Variants in MED12L observed in about 807,000 individuals in gnomAD.
MED12L encodes the protein mediator of RNA polymerase II transcription subunit 12-like protein.
MED12L carries 60 observed loss-of-function variants against 281.3 expected under a neutral mutation model. That is an observed-to-expected ratio of 0.21 (90% confidence interval 0.17 to 0.26). The LOEUF (loss-of-function observed/expected upper bound fraction) is 0.26. MED12L is among the 10% of genes least tolerant of loss of function. The pLI, the probability that MED12L is intolerant of heterozygous loss-of-function variation, is 1.00. For synonymous variants in MED12L, 974 were observed against 987.2 expected, an observed-to-expected ratio of 0.99 and a Z score of 0.25; for missense variants, 2,146 against 2,680.9, an observed-to-expected ratio of 0.80 and a Z score of 4.41.
intron 16 of MED12L, among the ~76,000 whole-genome samples, chr3:151,256,533 A>G (rs1415463121): frequency 1.3e-5 from 2 of 152,198 alleles, no homozygotes; most frequent in African/African-American, 2.4e-5. Flanking sequence ...TGTCAACCAC[A>G]GAAATTAGGG....
chr3:151,254,826 T>C (rs1026571743), intron 16 of MED12L, among the ~76,000 whole-genome samples: 2 of 152,244 alleles, frequency 1.3e-5, no homozygotes. Flanking sequence ...CTTTTGCTTT[T>C]GGCAGGTTGC....
At chr3:151,388,272 T>G in intron 37 of MED12L, 100 bp downstream of exon 37, 1 of 1,425,558 alleles carries the variant, frequency 7.0e-7, no homozygotes, top group East Asian at 2.3e-5. Flanking sequence ...AAGAGCAGGA[T>G]AAGTTTTGTT....
chr3:151,359,056 A>C (rs1754294827), intron 20 of MED12L, among the ~76,000 whole-genome samples: 1 of 152,136 alleles, frequency 6.6e-6, no homozygotes, highest in African/African-American at 2.4e-5. Context: ...CTCAGTAGGT[A>C]GTTTTGCAGA....
chr3:151,308,722 G>A (rs1056211432), intron 16 of MED12L, among the ~76,000 whole-genome samples: 25 of 152,082 alleles, frequency 1.6e-4, no homozygotes, highest in African/African-American at 3.1e-4. Context: ...TGGTGGTGGC[G>A]TCACCTTGAT....
At chr3:151,179,164 A>C (rs1341697108) in intron 11 of MED12L, among the ~76,000 whole-genome samples, 1 of 151,878 alleles carries the variant, frequency 6.6e-6, no homozygotes, top group Non-Finnish European at 1.5e-5. Context: ...ACATGGTGAA[A>C]CCCCATCTCT....
chr3:151,214,340 C>A, intron 16 of MED12L: 1 of 1,600,864 alleles, frequency 6.2e-7, no homozygotes, highest in Non-Finnish European at 8.5e-7. Context: ...AAGGCAGAGG[C>A]CTGAAAAGAG....
intron 16 of MED12L, chr3:151,295,373 C>T (rs1744949166): frequency 3.4e-6 from 2 of 588,412 alleles, no homozygotes; most frequent in African/African-American, 3.7e-5. Flanking sequence ...TTTTGAGTGG[C>T]CAAAGAATTA....
intron 39 of MED12L, among the ~76,000 whole-genome samples, chr3:151,399,048 GA>G (rs11451641): frequency 6.6e-6 from 1 of 151,598 alleles, no homozygotes; most frequent in Non-Finnish European, 1.5e-5. Context: ...GGCGACTACT[GA>G]AAAAAAAGAA....
chr3:151,429,457 G>T (rs1214510817), intron 43 of MED12L, among the ~76,000 whole-genome samples: 5 of 152,204 alleles, frequency 3.3e-5, no homozygotes, highest in Non-Finnish European at 7.3e-5. Flanking sequence ...GGAGAGAAGA[G>T]GGTTGGAGGA....
chr3:151,217,619 A>G (rs1328402641), intron 16 of MED12L, among the ~76,000 whole-genome samples: 5 of 152,174 alleles, frequency 3.3e-5, no homozygotes. Context: ...GGTTTTAGAC[A>G]TGCTGGTTGG....
rs559973218 is a variant in MED12L, at chr3:151,179,531, A to G, written c.1495-5799A>G. Reference sequence around the variant, plus strand: ...CCTCTCACAGCTCCAAATGCAGACTATAACAATAAAGCTGAGAGGATGGGG... The same window carrying G: ...CCTCTCACAGCTCCAAATGCAGACTGTAACAATAAAGCTGAGAGGATGGGG... On this transcript the variant is annotated intron_variant, in intron 11 of 44. Coordinates refer to ENST00000687756, the MANE Select transcript of MED12L (RefSeq NM_001393769.1). 4.6e-5 allele frequency among the ~76,000 whole-genome samples: 7 copies of G among 152,322 alleles called. No individual in the cohort carries two copies. In the South Asian group the frequency reaches 6.2e-4, roughly 14 times the overall value.
intron 16 of MED12L, among the ~76,000 whole-genome samples, chr3:151,200,416 G>T (rs1725378680): frequency 6.6e-6 from 1 of 152,124 alleles, no homozygotes; most frequent in Admixed American, 6.5e-5. Context: ...GATTATTTTT[G>T]TATTTTAGCA....
chr3:151,411,474 C>T lies in MED12L; in HGVS notation c.6107C>T (p.Ser2036Leu), dbSNP rs753657179. 323 of 1,614,178 alleles carry T rather than the reference C, an allele frequency of 2.0e-4. 2 individuals carry two copies. The South Asian group carries it at 2.6e-3, about 13-fold the overall frequency. Residue 2036 changes from serine (S) to leucine (L), a missense_variant, in exon 41 of 45, where the codon TCG (serine) becomes TTG (leucine). Ser to Leu is a moderately radical substitution (Grantham distance 145). This residue lies in a region of MED12L where 496 missense variants were observed against 512.0 expected (regional missense o/e 0.97). Transcript: ENST00000687756. ...QPSGYVQQQA[S>L]PYLQPLTGSQ... ...AGTGGCTATGTTCAGCAGCAGGCCT[C>T]GCCGTACCTGCAGCCCCTGACTGGC...
At chr3:151,166,500 GAAA>G (rs982032629) in intron 11 of MED12L, among the ~76,000 whole-genome samples, 20 of 152,124 alleles carry the variant, frequency 1.3e-4, no homozygotes, top group Admixed American at 9.8e-4. Context: ...CCTAGAGAGA[GAAA>G]GGGGGGGAGA....
chr3:151,104,716 T>C (rs1721792874), intron 2 of MED12L, among the ~76,000 whole-genome samples: 1 of 152,192 alleles, frequency 6.6e-6, no homozygotes, highest in Non-Finnish European at 1.5e-5. Flanking sequence ...TATTCTCTCA[T>C]GGTTCTAGAG....
At chr3:151,270,378 A>G (rs1210724470) in intron 16 of MED12L, among the ~76,000 whole-genome samples, 5 of 151,964 alleles carry the variant, frequency 3.3e-5, no homozygotes, top group Non-Finnish European at 5.9e-5. Flanking sequence ...TTCCAAATTC[A>G]TTTTTATCCC....
chr3:151,113,551 C>G (rs955831422), intron 2 of MED12L, among the ~76,000 whole-genome samples: 8 of 152,134 alleles, frequency 5.3e-5, no homozygotes, highest in African/African-American at 1.9e-4. Flanking sequence ...GCTAGGAGAC[C>G]AGTTAGGAGA....
At chr3:151,221,854 G>A (rs1340699893) in intron 16 of MED12L, among the ~76,000 whole-genome samples, 1 of 152,216 alleles carries the variant, frequency 6.6e-6, no homozygotes, top group East Asian at 1.9e-4. Context: ...GGAGCTGTGA[G>A]AGGAGGGCCA....
At position 151,122,929 on chromosome 3, in the gene MED12L, T is replaced by G. The variant is rs1185958356; in HGVS notation, c.351T>G (p.Phe117Leu). The G allele has an allele frequency of 1.2e-6, 2 of 1,609,896 alleles. No homozygotes were observed. Among genetic ancestry groups the G allele is most frequent in the African/African-American group, 2.7e-5 (2 of 74,758 alleles). Reference sequence around the variant, plus strand: ...CCCAGAGTGCAATTCATAGTTGGTTTTCTGACTTAGCAGGAAATAAGCCAC... The same window carrying G: ...CCCAGAGTGCAATTCATAGTTGGTTGTCTGACTTAGCAGGAAATAAGCCAC... ...ARSQSAIHSW[F>L]SDLAGNKPLS... Residue 117 changes from phenylalanine (F) to leucine (L), a missense_variant, in exon 4 of 45, where the codon TTT becomes TTG. Phe to Leu is a conservative substitution (Grantham distance 22). Transcript: ENST00000687756.
Sources: allele counts gnomAD v4.1 joint callset (sites outside exome capture counted in the v4.1 genomes callset), GRCh38; gene constraint gnomAD v4.1.1; regional missense constraint gnomAD v4.1.1; transcripts MANE v1.5; gene names NCBI Gene and HGNC (gene_info 2026-07-23, HGNC 2026-07-21).